The following TASP1 variants were observed in gnomAD, a reference collection of about 807,000 sequenced individuals.
TASP1 encodes the protein threonine aspartase 1.
Under a neutral mutation model 56.6 loss-of-function variants are expected in TASP1, and 16 were observed. The ratio of observed to expected loss-of-function variants is 0.28; its 90% CI spans 0.19 to 0.43. The LOEUF (loss-of-function observed/expected upper bound fraction) is 0.43, where lower values mean the gene tolerates loss of function less well. TASP1 is among the 20% of genes least tolerant of loss of function. TASP1 has a pLI of 1.00. For synonymous variants in TASP1, 179 were observed against 184.2 expected, an observed-to-expected ratio of 0.97 and a Z score of 0.23; for missense variants, 393 against 511.6, an observed-to-expected ratio of 0.77 and a Z score of 2.24.
In TASP1 at chr20:13,428,879, C is replaced by T. The variant is rs187015345; in HGVS notation, c.1096+6165G>A. Reference sequence around the variant, plus strand: ...GAATCAACTTCTTTTAAAGTTTCTGCTAAATCATCAATAAAGAAACTCCAT... The same window carrying T: ...GAATCAACTTCTTTTAAAGTTTCTGTTAAATCATCAATAAAGAAACTCCAT... On this transcript the variant is annotated intron_variant, in intron 12 of 13. Coordinates refer to ENST00000337743, the MANE Select transcript of TASP1 (RefSeq NM_017714.3). 3.9e-5 allele frequency among the ~76,000 whole-genome samples: 6 copies of T among 152,236 alleles called. No individual in the cohort carries two copies. In the East Asian group the frequency reaches 1.2e-3, roughly 29 times the overall value.
chr20:13,121,493 T>TG, the TASP1 span, among the ~76,000 whole-genome samples: 1 of 152,178 alleles, frequency 6.6e-6, no homozygotes, highest in Non-Finnish European at 1.5e-5. Context: ...AGGCCACCCT[T>TG]GCCCTTGAAC....
the TASP1 span, among the ~76,000 whole-genome samples, chr20:13,177,047 C>T: frequency 1.3e-5 from 2 of 152,032 alleles, no homozygotes; most frequent in Admixed American, 1.3e-4. Context: ...TGAGACCAGG[C>T]TGGCCAACAT....
the TASP1 span, among the ~76,000 whole-genome samples, chr20:13,162,113 T>C: frequency 1.3e-5 from 2 of 152,210 alleles, no homozygotes; most frequent in African/African-American, 2.4e-5. Context: ...GGCAAAACTT[T>C]CAAGAAGTCT....
the TASP1 span, among the ~76,000 whole-genome samples, chr20:13,379,966 C>T: frequency 0.99 from 150,605 of 152,288 alleles, 74,483 homozygotes; most frequent in Middle Eastern, 1. Context: ...CTAGTTAGCA[C>T]TCCTCTAATC....
At chr20:13,140,934 G>T in the TASP1 span, among the ~76,000 whole-genome samples, 1 of 152,274 alleles carries the variant, frequency 6.6e-6, no homozygotes, top group Non-Finnish European at 1.5e-5. Flanking sequence ...TACTGACCCT[G>T]CCTCTAACCC....
intron 8 of TASP1, among the ~76,000 whole-genome samples, chr20:13,541,564 A>C (rs969570107): frequency 2.0e-5 from 3 of 151,984 alleles, no homozygotes; most frequent in African/African-American, 7.2e-5. Flanking sequence ...ATAACATCTC[A>C]TCACCTTCTA....
At chr20:13,463,892 G>A (rs1277824530) in intron 11 of TASP1, among the ~76,000 whole-genome samples, 1 of 152,022 alleles carries the variant, frequency 6.6e-6, no homozygotes. Context: ...AAATGGGAAG[G>A]CACTGTTGGG....
In TASP1 at chr20:13,522,054, T is replaced by C. The variant is rs559738295; in HGVS notation, c.874+6379A>G. On this transcript the variant is annotated intron_variant, in intron 10 of 13. Transcript: ENST00000337743. ...AAGCAGCAGCTTGACAAAGCCCCTA[T>C]GGCGGGAGTGTGCGTGGCATGTGTG... 2.0e-5 allele frequency among the ~76,000 whole-genome samples: 3 copies of C among 152,230 alleles called. No homozygotes were observed. The South Asian group carries it at 6.2e-4, about 32-fold the overall frequency.
intron 13 of TASP1, among the ~76,000 whole-genome samples, chr20:13,406,092 T>C (rs548745144): frequency 2.6e-5 from 4 of 152,306 alleles, no homozygotes; most frequent in Admixed American, 2.6e-4. Flanking sequence ...TAACAGTAGG[T>C]CTTAAAGTCT....
the TASP1 span, among the ~76,000 whole-genome samples, chr20:13,221,574 G>GCGC: frequency 6.9e-6 from 1 of 145,134 alleles, no homozygotes; most frequent in African/African-American, 2.5e-5. Flanking sequence ...GGCGGCGGCG[G>GCGC]CGCCGGCAGC....
At chr20:13,155,689 G>T in the TASP1 span, among the ~76,000 whole-genome samples, 2 of 151,754 alleles carry the variant, frequency 1.3e-5, no homozygotes, top group Non-Finnish European at 2.9e-5. Flanking sequence ...AGCCGGGCGT[G>T]GTGGTGGGTG....
the TASP1 span, among the ~76,000 whole-genome samples, chr20:13,306,564 C>CAAAAAAAAAAAAAAAAAAAAAAAAG: frequency 4.7e-5 from 3 of 63,914 alleles, no homozygotes; most frequent in Non-Finnish European, 7.9e-5. Flanking sequence ...GGAGAAAGGA[C>CAAAAAAAAAAAAAAAAAAAAAAAAG]AAAAAAAAAA....
At chr20:13,292,589 C>T in the TASP1 span, 1 of 656,068 alleles carries the variant, frequency 1.5e-6, no homozygotes, top group Non-Finnish European at 2.7e-6. Flanking sequence ...CCAGTGCTCC[C>T]AGCATGTGTC....
chr20:13,256,756 A>G, the TASP1 span, among the ~76,000 whole-genome samples: 3 of 152,316 alleles, frequency 2.0e-5, no homozygotes, highest in Non-Finnish European at 4.4e-5. Flanking sequence ...GAGCCAGGTG[A>G]CTTTGGCAGG....
At chr20:13,229,207 G>A in the TASP1 span, among the ~76,000 whole-genome samples, 1 of 150,938 alleles carries the variant, frequency 6.6e-6, no homozygotes, top group Non-Finnish European at 1.5e-5. Context: ...CAATAAAATG[G>A]ATGAATCTTA....
chr20:13,170,068 G>A, the TASP1 span, among the ~76,000 whole-genome samples: 105 of 152,216 alleles, frequency 6.9e-4, 1 homozygote, highest in African/African-American at 2.3e-3. Context: ...AAGTCAATAC[G>A]TGGTGTCTTG....
At chr20:13,164,912 C>T in the TASP1 span, 1 of 1,490,026 alleles carries the variant, frequency 6.7e-7, no homozygotes, top group East Asian at 2.4e-5. Context: ...CGAGAAAGAC[C>T]TCCCTCCTTG....
At chr20:13,289,812 C>T in the TASP1 span, among the ~76,000 whole-genome samples, 5 of 152,116 alleles carry the variant, frequency 3.3e-5, no homozygotes, top group African/African-American at 9.7e-5. Flanking sequence ...TTTCCCATTG[C>T]CAGGTAGAAT....
chr20:13,141,745 C>T, the TASP1 span, among the ~76,000 whole-genome samples: 1 of 152,184 alleles, frequency 6.6e-6, no homozygotes, highest in Non-Finnish European at 1.5e-5. Context: ...TGGTTTCAGG[C>T]CCCTGGCATT....
Sources: allele counts gnomAD v4.1 joint callset (sites outside exome capture counted in the v4.1 genomes callset), GRCh38; gene constraint gnomAD v4.1.1; transcripts MANE v1.5; gene names NCBI Gene and HGNC (gene_info 2026-07-23, HGNC 2026-07-21).